PCDHGB1: variants seen among roughly 807,000 people sequenced by gnomAD.
The protein encoded by PCDHGB1 is protocadherin gamma subfamily B, 1, also known as protocadherin gamma-B1.
In PCDHGB1, 34 loss-of-function variants were observed where a neutral mutation model predicts 56.6. The observed-to-expected ratio is 0.60, with a 90% CI of 0.46 to 0.80. The LOEUF is 0.80. Among genes scored for constraint, PCDHGB1 ranks in the 30% least tolerant of loss-of-function variants. PCDHGB1 has a pLI of 0.00. For missense variants in PCDHGB1, 1,278 were observed against 1,204.6 expected (o/e 1.06, Z -0.90); for synonymous variants, 561 against 505.9 (o/e 1.11, Z -1.46).
chr5:141,400,128 G>T, intron 1 of PCDHGB1: 1 of 1,614,080 alleles, frequency 6.2e-7, no homozygotes, highest in Non-Finnish European at 8.5e-7. Context: ...TGCAGGAGGT[G>T]CTGCCGGATA....
chr5:141,464,913 A>AT (rs1366203949), intron 1 of PCDHGB1, among the ~76,000 whole-genome samples: 2 of 151,546 alleles, frequency 1.3e-5, no homozygotes, highest in South Asian at 4.2e-4. Flanking sequence ...TAATTTTTTT[A>AT]TTTTTTTGTA....
rs2099687792 is a variant in PCDHGB1, at chr5:141,489,485, G to GT, written c.2410-5321dup. Reference sequence around the variant, plus strand: ...TATTTTTCCCTGAGCTTGATGAGTGGTGCCCTGGCAGTGAATCAAAAGATT... The same window carrying GT: ...TATTTTTCCCTGAGCTTGATGAGTGGTTGCCCTGGCAGTGAATCAAAAGATT... On this transcript the variant is annotated intron_variant, in intron 1 of 3. Coordinates refer to ENST00000523390, the MANE Select transcript of PCDHGB1 (RefSeq NM_018922.3). This position sits in a 1 kb window ranked among gnomAD's most constrained non-coding sequence, Gnocchi z 4.5. The GT allele has an allele frequency of 6.2e-7, 1 of 1,614,088 alleles. No individual in the cohort carries two copies. The highest frequency in any genetic ancestry group is 2.2e-5 in the East Asian group (1 of 44,868).
At chr5:141,373,976 G>A in intron 1 of PCDHGB1, 3 of 1,066,504 alleles carry the variant, frequency 2.8e-6, no homozygotes, top group South Asian at 2.6e-5. Context: ...CTTCGCATCC[G>A]GTCTCTGCTT....
chr5:141,476,556 C>G lies in PCDHGB1; in HGVS notation c.2410-18251C>G. On this transcript the variant is annotated intron_variant, in intron 1 of 3. Transcript: ENST00000523390. This position sits in a 1 kb window ranked among gnomAD's most constrained non-coding sequence, Gnocchi z 7.6. ...GAAATGAAATTGGAGATTAGCGAGG[C>G]CGTGGCTCCGGGGACGCGCTTTCCG... The G allele has an allele frequency of 6.2e-7, 1 of 1,614,234 alleles. No homozygotes were observed. The highest frequency in any genetic ancestry group is 8.5e-7 in the Non-Finnish European group (1 of 1,180,036).
intron 1 of PCDHGB1, chr5:141,370,891 C>A (rs1767286127): frequency 6.2e-7 from 1 of 1,614,028 alleles, no homozygotes; most frequent in Non-Finnish European, 8.5e-7. Context: ...GGTGTCAATT[C>A]GCTGCAGCAG....
intron 1 of PCDHGB1, chr5:141,389,770 C>T: frequency 4.3e-6 from 7 of 1,613,166 alleles, no homozygotes; most frequent in Admixed American, 1.7e-5. Flanking sequence ...ACAGCGCGTG[C>T]CTTAGGCGAC....
chr5:141,457,386 A>G lies in PCDHGB1; in HGVS notation c.2410-37421A>G, dbSNP rs1303460358. Reference sequence around the variant, plus strand: ...TGCAAAATAATTGCCCAGAACTAGCATATTGATTCACATTTTCACATTACC... The same window carrying G: ...TGCAAAATAATTGCCCAGAACTAGCGTATTGATTCACATTTTCACATTACC... On this transcript the variant is annotated intron_variant, in intron 1 of 3. Transcript: ENST00000523390. Among the ~76,000 whole-genome samples the G allele has an allele frequency of 5.3e-5, 8 of 152,210 alleles. No homozygotes were observed. The East Asian group carries it at 1.3e-3, about 26-fold the overall frequency.
Position 141,487,298 on chromosome 5 carries a change from G to T in PCDHGB1, c.2410-7509G>T. 6.2e-7 allele frequency: 1 copy of T among 1,614,072 alleles called. No individual in the cohort carries two copies. Among genetic ancestry groups the T allele is most frequent in the Non-Finnish European group, 8.5e-7 (1 of 1,180,018 alleles). ...TTGCTTTGTCTCCTTTGGCTCATTC[G>T]TGGCACTACTCTCTAAGTGTCTTCG... On this transcript the variant is annotated intron_variant, in intron 1 of 3. Coordinates refer to ENST00000523390, the MANE Select transcript of PCDHGB1 (RefSeq NM_018922.3). This position sits in a 1 kb window ranked among gnomAD's most constrained non-coding sequence, Gnocchi z 5.0.
At chr5:141,475,957 G>A (rs776101269) in intron 1 of PCDHGB1, 148 of 812,416 alleles carry the variant, frequency 1.8e-4, no homozygotes, top group Non-Finnish European at 2.6e-4. Flanking sequence ...CTGCGCCCCG[G>A]GATGAGGCAG....
rs769909773 is a variant in PCDHGB1 at position 141,476,732 on chromosome 5, C to T, written c.2410-18075C>T. The T allele has an allele frequency of 8.7e-6, 14 of 1,614,096 alleles. No homozygotes were observed. Among genetic ancestry groups the T allele is most frequent in the Non-Finnish European group, 1.1e-5 (13 of 1,180,030 alleles). ...GTTGGAGCGCGCCCTGGACCGAGAA[C>T]GGGAGCCTAGTCTCCAGTTAGTGCT... is the stretch of plus-strand genomic sequence containing the variant. On this transcript the variant is annotated intron_variant, in intron 1 of 3. Coordinates refer to ENST00000523390, the MANE Select transcript of PCDHGB1 (RefSeq NM_018922.3). The surrounding 1 kb of genome is among the most constrained non-coding windows in gnomAD (Gnocchi z 7.6).
chr5:141,361,085 T>A, intron 1 of PCDHGB1: 1 of 1,614,014 alleles, frequency 6.2e-7, no homozygotes, highest in Non-Finnish European at 8.5e-7. Flanking sequence ...AGTTACACTC[T>A]GAGTATCGAA....
Position 141,384,796 on chromosome 5 carries a change from C to A in PCDHGB1, c.2409+32127C>A, listed in dbSNP as rs1182973938. 1 of 1,613,330 alleles carries A rather than the reference C, an allele frequency of 6.2e-7. No homozygotes were observed. Among genetic ancestry groups the A allele is most frequent in the African/African-American group, 1.3e-5 (1 of 74,956 alleles). ...CGAGGTGCGCACGGCTCGGGCCCTG[C>A]TGGACAGAGATGCCCTCAAGCAGAG... is the stretch of plus-strand genomic sequence containing the variant. On this transcript the variant is annotated intron_variant, in intron 1 of 3. Coordinates refer to ENST00000523390, the MANE Select transcript of PCDHGB1 (RefSeq NM_018922.3).
Position 141,485,011 on chromosome 5 carries a change from C to G in PCDHGB1, c.2410-9796C>G, listed in dbSNP as rs2099605048. 3.2e-6 allele frequency: 2 copies of G among 631,064 alleles called. No homozygotes were observed. The highest frequency in any genetic ancestry group is 5.5e-5 in the East Asian group (2 of 36,662). The allele number at this position is 631,064 out of a possible 1,614,324, so 39.1% of individuals were successfully genotyped here. A position where few individuals can be genotyped will look rare whatever the true frequency, so the allele number is the denominator to read the frequency against. Reference sequence around the variant, plus strand: ...TGGTGAAAGGCAGACAAATCTACCCCGCCACCAGCAAAAACGGCGCGTAAC... The same window carrying G: ...TGGTGAAAGGCAGACAAATCTACCCGGCCACCAGCAAAAACGGCGCGTAAC... On this transcript the variant is annotated intron_variant, in intron 1 of 3. Coordinates refer to ENST00000523390, the MANE Select transcript of PCDHGB1 (RefSeq NM_018922.3). This position sits in a 1 kb window ranked among gnomAD's most constrained non-coding sequence, Gnocchi z 5.7.
At chr5:141,415,937 C>T (rs939831077) in intron 1 of PCDHGB1, 8 of 587,822 alleles carry the variant, frequency 1.4e-5, no homozygotes, top group Non-Finnish European at 2.0e-5. Context: ...TATATTTCCT[C>T]CTGGGTGGTC....
At position 141,389,943 on chromosome 5, in the gene PCDHGB1, CAGTTTT is replaced by C. The variant is rs777429461; in HGVS notation, c.2409+37276_2409+37281del. The C allele has an allele frequency of 2.5e-6, 4 of 1,613,956 alleles. No homozygotes were observed. In the African/African-American group the frequency reaches 5.3e-5, roughly 22 times the overall value. On this transcript the variant is annotated intron_variant, in intron 1 of 3. Transcript: ENST00000523390. The stretch of plus-strand genomic sequence containing the variant: ...CCCCTCTGACCTCCAGGCTGAGCTG[CAGTTTT>C]ACCTAGTGGTGGCCTTGGCCTTGAT...
At chr5:141,362,532 T>C in intron 1 of PCDHGB1, 1 of 1,613,846 alleles carries the variant, frequency 6.2e-7, no homozygotes, top group Non-Finnish European at 8.5e-7. Flanking sequence ...CTGGGGTCCC[T>C]TTTGCCTCAG....
chr5:141,365,161 G>A lies in PCDHGB1; in HGVS notation c.2409+12492G>A, dbSNP rs1472001277. On this transcript the variant is annotated intron_variant, in intron 1 of 3. Transcript: ENST00000523390. ...CAGATGAGGGAATAAACGGGAAATTGACCTACTCTTTTCGCAATGAAGAAG... is the reference window on the plus strand; with the variant it reads ...CAGATGAGGGAATAAACGGGAAATTAACCTACTCTTTTCGCAATGAAGAAG... 5.0e-6 allele frequency: 8 copies of A among 1,613,810 alleles called. No homozygotes were observed. In the African/African-American group the frequency reaches 8.0e-5, roughly 16 times the overall value.
In PCDHGB1 at chr5:141,378,672, A is replaced by T. The variant is rs367846333; in HGVS notation, c.2409+26003A>T. ...GTTAATGAGGTTCAAATAAAAATTTAAATATTTTAGCATTTTAACCCAGAC... is the reference window on the plus strand; with the variant it reads ...GTTAATGAGGTTCAAATAAAAATTTTAATATTTTAGCATTTTAACCCAGAC... On this transcript the variant is annotated intron_variant, in intron 1 of 3. Coordinates refer to ENST00000523390, the MANE Select transcript of PCDHGB1 (RefSeq NM_018922.3). The T allele has an allele frequency of 1.8e-4, 28 of 152,392 alleles. 3 individuals are homozygous for T. Among genetic ancestry groups the T allele is most frequent in the Admixed American group, 1.5e-3 (23 of 15,312 alleles). 9.4% of individuals were successfully genotyped at this position (152,392 alleles called of 1,614,324 possible). A position where few individuals can be genotyped will look rare whatever the true frequency, so the allele number is the denominator to read the frequency against.
chr5:141,355,133 ATCCTG>A, intron 1 of PCDHGB1: 1 of 1,521,784 alleles, frequency 6.6e-7, no homozygotes, highest in East Asian at 2.3e-5. Context: ...GACCCAGAAG[ATCCTG>A]GGGCTCCTCA....
Sources: allele counts gnomAD v4.1 joint callset (sites outside exome capture counted in the v4.1 genomes callset), GRCh38; gene constraint gnomAD v4.1.1; non-coding constraint Gnocchi (gnomAD v3.1); transcripts MANE v1.5; gene names NCBI Gene and HGNC (gene_info 2026-07-23, HGNC 2026-07-21).